Variants in ITPK1 observed in about 807,000 individuals in gnomAD.
ITPK1 encodes inositol-tetrakisphosphate 1-kinase.
A neutral mutation model predicts 45.3 loss-of-function variants in ITPK1; 21 were observed. The observed-to-expected ratio is 0.46, with a 90% CI of 0.33 to 0.67. The LOEUF (loss-of-function observed/expected upper bound fraction) is 0.67. Ranked by LOEUF, ITPK1 falls within the 30% of genes least tolerant of loss-of-function variation. The probability of loss-of-function intolerance (pLI) is 0.02; values close to 1 mark genes in which losing one functional copy is unlikely to be tolerated. For missense variants in ITPK1, 474 were observed against 573.5 expected (o/e 0.83, Z 1.77); for synonymous variants, 258 against 253.6 (o/e 1.02, Z -0.16).
chr14:92,990,863 G>A (rs948365250), intron 5 of ITPK1, among the ~76,000 whole-genome samples: 1 of 152,092 alleles, frequency 6.6e-6, no homozygotes, highest in Non-Finnish European at 1.5e-5. Context: ...CACCCCCACC[G>A]CAAAGCAGGG....
In ITPK1 at chr14:92,958,051, G is replaced by A. The variant is rs1029988800; in HGVS notation, c.670+150C>T. On this transcript the variant is annotated intron_variant, in intron 8 of 10. Coordinates refer to ENST00000267615, the MANE Select transcript of ITPK1 (RefSeq NM_014216.6). This position sits in a 1 kb window ranked among gnomAD's most constrained non-coding sequence, Gnocchi z 4.4. Reference sequence around the variant, plus strand: ...GTTCCCCAAGACCTCTTTATCCACCGTACACAACTGTTTCCACCTTTAGAG... The same window carrying A: ...GTTCCCCAAGACCTCTTTATCCACCATACACAACTGTTTCCACCTTTAGAG... 2.4e-5 allele frequency: 18 copies of A among 745,876 alleles called. No individual in the cohort carries two copies. Among genetic ancestry groups the A allele is most frequent in the African/African-American group, 7.0e-5 (4 of 57,136 alleles). 46.2% of individuals were successfully genotyped at this position (745,876 alleles called of 1,614,324 possible). A position where few individuals can be genotyped will look rare whatever the true frequency, so the allele number is the denominator to read the frequency against.
intron 9 of ITPK1, among the ~76,000 whole-genome samples, chr14:92,951,458 C>T (rs1321608449): frequency 2.0e-5 from 3 of 152,172 alleles, no homozygotes; most frequent in Non-Finnish European, 4.4e-5. Flanking sequence ...CTGACACTGG[C>T]CACAGCAACA....
Position 93,105,702 on chromosome 14 carries a change from G to GT in ITPK1, c.95+9366dup, listed in dbSNP as rs376342112. On this transcript the variant is annotated intron_variant, in intron 2 of 10. Coordinates refer to ENST00000267615, the MANE Select transcript of ITPK1 (RefSeq NM_014216.6). ...ACCACGCCTGGCTAATTTTTGTGGG[G>GT]TTTTTTTTTTTTTTTTTTGAGACAG... Among the ~76,000 whole-genome samples the GT allele has an allele frequency of 4.9e-3, 632 of 127,756 alleles. 4 individuals are homozygous for GT. Among genetic ancestry groups the GT allele is most frequent in the Admixed American group, 7.3e-3 (92 of 12,626 alleles). The allele number at this position is 127,756 out of a possible 152,430, so 83.8% of individuals were successfully genotyped here.
Position 92,952,023 on chromosome 14 carries a change from C to G in ITPK1, c.671-10G>C. ...AAGATGGACTCACGGTCTGAAAAAG[C>G]GACAGGAAGGAGCCGGCGTTAGAAC... On this transcript the variant is annotated splice_polypyrimidine_tract_variant and intron_variant, in intron 8 of 10. Transcript: ENST00000267615. The G allele has an allele frequency of 6.4e-7, 1 of 1,563,534 alleles. No individual in the cohort carries two copies. The highest frequency in any genetic ancestry group is 8.7e-7 in the Non-Finnish European group (1 of 1,153,202).
Position 93,016,313 on chromosome 14 carries a change from A to G in ITPK1, c.246+363T>C, listed in dbSNP as rs1023114238. 6.6e-6 allele frequency among the ~76,000 whole-genome samples: 1 copy of G among 152,206 alleles called. No homozygotes were observed. The highest frequency in any genetic ancestry group is 2.4e-5 in the African/African-American group (1 of 41,440). On this transcript the variant is annotated intron_variant, in intron 4 of 10. Coordinates refer to ENST00000267615, the MANE Select transcript of ITPK1 (RefSeq NM_014216.6). The surrounding 1 kb of genome is among the most constrained non-coding windows in gnomAD (Gnocchi z 5.0). ...CTCGGGGGTCCCCTTTACCAAGTGC[A>G]GCAGAAGGGTTCCATCCCTTGTGCC...
intron 3 of ITPK1, among the ~76,000 whole-genome samples, chr14:93,052,150 T>C (rs752198968): frequency 1.8e-4 from 27 of 152,214 alleles, no homozygotes; most frequent in Non-Finnish European, 3.7e-4. Context: ...TCTGTGACCA[T>C]GGGCAAGTTA....
At chr14:93,089,663 G>A (rs1044357258) in intron 2 of ITPK1, among the ~76,000 whole-genome samples, 15 of 152,188 alleles carry the variant, frequency 9.9e-5, no homozygotes, top group African/African-American at 3.6e-4. Context: ...TGTCAGCTGG[G>A]TCTCTGGAGG....
chr14:92,940,848 C>T lies in ITPK1; in HGVS notation c.*713G>A, dbSNP rs1887335453. 37 of 1,286,934 alleles carry T rather than the reference C, an allele frequency of 2.9e-5. No individual in the cohort carries two copies. The highest frequency in any genetic ancestry group is 3.7e-5 in the Non-Finnish European group (37 of 987,946). The allele number at this position is 1,286,934 out of a possible 1,614,324, so 79.7% of individuals were successfully genotyped here. A position where few individuals can be genotyped will look rare whatever the true frequency, so the allele number is the denominator to read the frequency against. On this transcript the variant is annotated 3_prime_UTR_variant, in exon 11 of 11. Transcript: ENST00000267615. ...GGGCTCCAGGGAGCAGCAGTGCTGG[C>T]TTAGGGGAAGGAGACCGCTGTGCAG...
intron 2 of ITPK1, among the ~76,000 whole-genome samples, chr14:93,081,023 T>C (rs1891413706): frequency 6.7e-6 from 1 of 150,372 alleles, no homozygotes; most frequent in Non-Finnish European, 1.5e-5. Flanking sequence ...AATTTAATAA[T>C]TTTTAAGTTT....
chr14:93,045,554 A>AGGT (rs1221678149), intron 3 of ITPK1, among the ~76,000 whole-genome samples: 51 of 152,114 alleles, frequency 3.4e-4, no homozygotes, highest in African/African-American at 9.7e-4. Context: ...CAGGAGGAGG[A>AGGT]GGTGAGAGGA....
chr14:93,073,138 A>C (rs778365964), intron 3 of ITPK1, among the ~76,000 whole-genome samples: 1 of 152,252 alleles, frequency 6.6e-6, no homozygotes, highest in Non-Finnish European at 1.5e-5. Context: ...AAAGTAACTC[A>C]GTCCTCACAA....
rs1326147705 is a variant in ITPK1 at position 92,939,980 on chromosome 14, G to C, written c.*1581C>G. 1 of 985,754 alleles carries C rather than the reference G, an allele frequency of 1.0e-6. No individual in the cohort carries two copies. The highest frequency in any genetic ancestry group is 1.7e-5 in the African/African-American group (1 of 57,228). The allele number at this position is 985,754 out of a possible 1,614,324, so 61.1% of individuals were successfully genotyped here. ...GAAAGGTGACGTACAGACATTAATC[G>C]GGGTTCAAAACTCAAGTCGTGTAAA... On this transcript the variant is annotated 3_prime_UTR_variant, in exon 11 of 11. Transcript: ENST00000267615.
At chr14:93,103,829 G>A (rs1166091158) in intron 2 of ITPK1, among the ~76,000 whole-genome samples, 1 of 152,140 alleles carries the variant, frequency 6.6e-6, no homozygotes, top group Non-Finnish European at 1.5e-5. Flanking sequence ...AGGGTGTGAG[G>A]CAGAAATGAA....
chr14:92,970,697 G>A (rs563945673), intron 5 of ITPK1, among the ~76,000 whole-genome samples: 2 of 151,704 alleles, frequency 1.3e-5, no homozygotes, highest in East Asian at 3.9e-4. Flanking sequence ...GTGCAGTGGC[G>A]CGATCTCTGC....
intron 5 of ITPK1, among the ~76,000 whole-genome samples, chr14:92,991,495 CG>C (rs3837638): frequency 0.065 from 9,842 of 152,112 alleles, 394 homozygotes; most frequent in East Asian, 0.19. Flanking sequence ...CTGTTGAGGA[CG>C]GGGCCCTCTC....
chr14:92,941,003 G>A lies in ITPK1; in HGVS notation c.*558C>T. 7.9e-7 allele frequency: 1 copy of A among 1,266,616 alleles called. No homozygotes were observed. Among genetic ancestry groups the A allele is most frequent in the Non-Finnish European group, 1.0e-6 (1 of 976,774 alleles). 78.5% of individuals were successfully genotyped at this position (1,266,616 alleles called of 1,614,324 possible). Reference sequence around the variant, plus strand: ...GGGTCTGTGGCCTCCTCTGGCTGTGGGGAGGGAGGGGTTAGCTGCACACCA... The same window carrying A: ...GGGTCTGTGGCCTCCTCTGGCTGTGAGGAGGGAGGGGTTAGCTGCACACCA... On this transcript the variant is annotated 3_prime_UTR_variant, in exon 11 of 11. Transcript: ENST00000267615.
intron 3 of ITPK1, among the ~76,000 whole-genome samples, chr14:93,054,591 G>A (rs1013886184): frequency 1.3e-5 from 2 of 152,206 alleles, no homozygotes; most frequent in African/African-American, 4.8e-5. Context: ...ATTACAGAGA[G>A]GCTCCAGTCC....
rs1887250892 is a variant in ITPK1 at position 92,939,495 on chromosome 14, C to G, written c.*2066G>C. On this transcript the variant is annotated 3_prime_UTR_variant, in exon 11 of 11. Transcript: ENST00000267615. The stretch of plus-strand genomic sequence containing the variant: ...CCAGCCCTGGGTGTGGCTGGCCCCT[C>G]CCTACCTCCCATGTAGCTCCCAGGC... The G allele has an allele frequency of 1.6e-5, 3 of 191,590 alleles. No individual in the cohort carries two copies. Among genetic ancestry groups the G allele is most frequent in the South Asian group, 3.6e-4 (2 of 5,630 alleles). 11.9% of individuals were successfully genotyped at this position (191,590 alleles called of 1,614,324 possible).
intron 2 of ITPK1, among the ~76,000 whole-genome samples, chr14:93,078,145 C>T (rs1016325483): frequency 6.6e-6 from 1 of 152,188 alleles, no homozygotes; most frequent in Non-Finnish European, 1.5e-5. Flanking sequence ...GCCCAGCACT[C>T]GGAGGGTACA....
Sources: gnomAD v4.1 joint callset for allele counts (sites outside exome capture counted in the v4.1 genomes callset) on GRCh38, gnomAD v4.1.1 for gene constraint, Gnocchi (gnomAD v3.1) non-coding constraint, MANE v1.5 for transcripts, NCBI Gene and HGNC (gene_info 2026-07-23, HGNC 2026-07-21) for gene names.